The following PUDP variants were observed in gnomAD, a reference collection of about 807,000 sequenced individuals.
PUDP encodes the protein pseudouridine 5'-phosphatase.
PUDP carries 8 observed loss-of-function variants against 9.4 expected under a neutral mutation model. The ratio of observed to expected loss-of-function variants is 0.85; its 90% CI spans 0.50 to 1.53. PUDP has a LOEUF of 1.53. Among genes scored for constraint, PUDP ranks in the 40% most tolerant of loss-of-function variants. The pLI is 0.00. For synonymous variants in PUDP, 99 were observed against 80.7 expected (o/e 1.23, Z -1.22); for missense variants, 188 against 189.7 (o/e 0.99, Z 0.05).
rs1465756092 is a variant in PUDP at position 6,786,429 on chromosome X, A to C, written c.*248-79963T>G. Among the ~76,000 whole-genome samples the C allele has an allele frequency of 6.2e-5, 7 of 112,184 alleles. No individual in the cohort carries two copies. In the East Asian group the frequency reaches 2.0e-3, roughly 31 times the overall value. On this transcript the variant is annotated intron_variant and NMD_transcript_variant, in intron 3 of 3. Coordinates refer to the PUDP transcript ENST00000655425. ...GAAATTTTCAGCAGTTTCTCAAAAA[A>C]ATAAAAATAAAACAAGAAGAAAAGA...
At chrX:6,790,132 T>A (rs865986626) in intron 3 of PUDP, among the ~76,000 whole-genome samples, 1 of 111,525 alleles carries the variant, frequency 9.0e-6, no homozygotes. Flanking sequence ...ATGATAGATA[T>A]ATACAGATGT....
chrX:6,926,959 A>C (rs1320602945), intron 3 of PUDP, among the ~76,000 whole-genome samples: 2 of 78,900 alleles, frequency 2.5e-5, no homozygotes, highest in East Asian at 3.7e-4. Context: ...ACTGTGTCTC[A>C]CTCTGTCCCC....
chrX:7,072,560 T>G (rs1168958632), intron 3 of PUDP, among the ~76,000 whole-genome samples: 1 of 111,517 alleles, frequency 9.0e-6, no homozygotes, highest in Non-Finnish European at 1.9e-5. Context: ...ACTCCTGTAA[T>G]CCCAGCACTT....
chrX:6,907,940 C>A (rs1018167317), intron 3 of PUDP, among the ~76,000 whole-genome samples: 1 of 112,632 alleles, frequency 8.9e-6, no homozygotes, highest in Non-Finnish European at 1.9e-5. Flanking sequence ...GGAACCCTGA[C>A]TAATTTGTTC....
At chrX:6,886,339 C>G (rs2146742995) in intron 3 of PUDP, among the ~76,000 whole-genome samples, 1 of 111,889 alleles carries the variant, frequency 8.9e-6, no homozygotes, top group East Asian at 2.8e-4. Context: ...TATAATGCCA[C>G]CTGTCTTGAT....
intron 3 of PUDP, among the ~76,000 whole-genome samples, chrX:6,787,406 C>T (rs1569098516): frequency 8.9e-6 from 1 of 112,287 alleles, no homozygotes; most frequent in Non-Finnish European, 1.9e-5. Flanking sequence ...GCATGCCAAT[C>T]TCTATTTAGG....
intron 3 of PUDP, among the ~76,000 whole-genome samples, chrX:6,787,761 C>T: frequency 8.9e-6 from 1 of 112,075 alleles, no homozygotes; most frequent in Non-Finnish European, 1.9e-5. Flanking sequence ...TATACTTGAA[C>T]TTATTATATA....
chrX:6,765,261 C>T (rs1248465984), intron 3 of PUDP, among the ~76,000 whole-genome samples: 1 of 111,408 alleles, frequency 9.0e-6, no homozygotes. Flanking sequence ...GCCTAGACAA[C>T]AGAGCCAGAC....
chrX:6,934,967 AC>A (rs1418749679), intron 3 of PUDP, among the ~76,000 whole-genome samples: 2 of 79,178 alleles, frequency 2.5e-5, no homozygotes, highest in Non-Finnish European at 4.8e-5. Flanking sequence ...ATACAGGAGC[AC>A]CAAGATTCAT....
chrX:7,097,034 C>T (rs1425145804), intron 2 of PUDP, among the ~76,000 whole-genome samples: 2 of 111,260 alleles, frequency 1.8e-5, no homozygotes, highest in Non-Finnish European at 3.8e-5. Context: ...TCCAGAAAAA[C>T]CCTCACACAC....
At chrX:6,739,215 C>T (rs1264952742) in intron 3 of PUDP, among the ~76,000 whole-genome samples, 1 of 111,452 alleles carries the variant, frequency 9.0e-6, no homozygotes, top group African/African-American at 3.3e-5. Flanking sequence ...AAATGGTTCA[C>T]GGAAGGGCCT....
chrX:6,930,995 CA>C, intron 3 of PUDP, among the ~76,000 whole-genome samples: 1 of 110,349 alleles, frequency 9.1e-6, no homozygotes, highest in South Asian at 3.8e-4. Context: ...ACCTGACATT[CA>C]AATTTAACTG....
chrX:6,821,716 G>A (rs1926345076), intron 3 of PUDP, among the ~76,000 whole-genome samples: 1 of 112,063 alleles, frequency 8.9e-6, no homozygotes, highest in Admixed American at 9.4e-5. Flanking sequence ...CTGAAAAATC[G>A]AGCTGCAGAC....
chrX:6,761,363 C>G (rs116706488), intron 3 of PUDP, among the ~76,000 whole-genome samples: 2,310 of 111,983 alleles, frequency 0.021, 59 homozygotes, highest in African/African-American at 0.07. Flanking sequence ...AAGAATAGGA[C>G]CCTGGCATTC....
chrX:7,057,962 C>G (rs2146844048), intron 3 of PUDP: 1 of 456,800 alleles, frequency 2.2e-6, no homozygotes, highest in East Asian at 3.8e-5. Context: ...CCCGGTGATG[C>G]TTCCACCTTT....
chrX:7,071,854 GA>G (rs1343775468), intron 3 of PUDP, among the ~76,000 whole-genome samples: 8 of 108,234 alleles, frequency 7.4e-5, no homozygotes, highest in Non-Finnish European at 1.3e-4. Context: ...TCGGCTCACT[GA>G]AACTTCCACC....
intron 3 of PUDP, among the ~76,000 whole-genome samples, chrX:6,765,866 TAAAC>T (rs1925278731): frequency 2.7e-5 from 3 of 111,130 alleles, no homozygotes; most frequent in Non-Finnish European, 5.7e-5. Flanking sequence ...CCAAGAGACA[TAAAC>T]AAACAGATTC....
rs541947543 is a variant in PUDP, at chrX:7,090,626, C to T, written c.281-13177G>A. On this transcript the variant is annotated intron_variant, in intron 2 of 3. Transcript: ENST00000381077. The stretch of plus-strand genomic sequence containing the variant: ...CAGACAGTATCTGCATTGGGAATTT[C>T]GTACTATTTTCTAAAATGTGGGACA... 1.6e-4 allele frequency among the ~76,000 whole-genome samples: 18 copies of T among 111,805 alleles called. No homozygotes were observed. In the South Asian group the frequency reaches 6.0e-3, roughly 37 times the overall value.
At chrX:6,863,886 A>G (rs1927040748) in intron 3 of PUDP, among the ~76,000 whole-genome samples, 1 of 111,602 alleles carries the variant, frequency 9.0e-6, no homozygotes, top group Non-Finnish European at 1.9e-5. Flanking sequence ...AGCTGCAGGG[A>G]TTTAGGAAGT....
Sources: gnomAD v4.1 joint callset for allele counts (sites outside exome capture counted in the v4.1 genomes callset) on GRCh38, gnomAD v4.1.1 for gene constraint, MANE v1.5 for transcripts, NCBI Gene and HGNC (gene_info 2026-07-23, HGNC 2026-07-21) for gene names.